Variants in AK5 observed in about 807,000 individuals in gnomAD.
The protein encoded by AK5 is adenylate kinase isoenzyme 5.
In AK5, 27 loss-of-function variants were observed where a neutral mutation model predicts 69.5. The ratio of observed to expected loss-of-function variants is 0.39; its 90% CI spans 0.29 to 0.54. AK5 has a LOEUF of 0.54. Among genes scored for constraint, AK5 ranks in the 20% least tolerant of loss-of-function variants. The pLI is 0.71. For missense variants in AK5, 531 were observed against 700.4 expected (o/e 0.76, Z 2.73); for synonymous variants, 260 against 244.4 (o/e 1.06, Z -0.60).
chr1:77,491,462 GCGCC>G (rs1655996463), intron 10 of AK5, among the ~76,000 whole-genome samples: 1 of 151,898 alleles, frequency 6.6e-6, no homozygotes, highest in Non-Finnish European at 1.5e-5. Context: ...GCCTGCCATG[GCGCC>G]CGGCTAATTT....
At chr1:77,421,409 A>G (rs72681614) in intron 8 of AK5, among the ~76,000 whole-genome samples, 5,867 of 152,300 alleles carry the variant, frequency 0.039, 144 homozygotes, top group East Asian at 0.077. Context: ...CAGGCGCAGG[A>G]AAGATAGGCT....
rs572918393 is a variant in AK5 at position 77,301,806 on chromosome 1, C to T, written c.699+3859C>T. 2.6e-5 allele frequency among the ~76,000 whole-genome samples: 4 copies of T among 152,314 alleles called. No homozygotes were observed. The South Asian group carries it at 8.3e-4, about 32-fold the overall frequency. On this transcript the variant is annotated intron_variant, in intron 5 of 13. Coordinates refer to ENST00000354567, the MANE Select transcript of AK5 (RefSeq NM_174858.3). Reference sequence around the variant, plus strand: ...CAAAAAAGGAAAGTTTGAGAATATACACAGTACTCACTGAACCACAGTGAA... The same window carrying T: ...CAAAAAAGGAAAGTTTGAGAATATATACAGTACTCACTGAACCACAGTGAA...
At chr1:77,369,116 T>A (rs1320002869) in intron 6 of AK5, among the ~76,000 whole-genome samples, 1 of 152,140 alleles carries the variant, frequency 6.6e-6, no homozygotes, top group African/African-American at 2.4e-5. Flanking sequence ...AAAAATAAAA[T>A]TATATTTTAA....
At chr1:77,531,619 G>A (rs1184862910) in intron 12 of AK5, among the ~76,000 whole-genome samples, 2 of 152,176 alleles carry the variant, frequency 1.3e-5, no homozygotes, top group African/African-American at 4.8e-5. Context: ...GATACAGAGT[G>A]CCGATTGGTG....
chr1:77,450,534 T>C (rs1653078763), intron 8 of AK5, among the ~76,000 whole-genome samples: 1 of 110,248 alleles, frequency 9.1e-6, no homozygotes, highest in South Asian at 3.7e-4. Context: ...CATGATCTGG[T>C]TTAATCTTCA....
intron 5 of AK5, among the ~76,000 whole-genome samples, chr1:77,316,925 T>C (rs1353617931): frequency 6.6e-6 from 1 of 152,196 alleles, no homozygotes; most frequent in East Asian, 1.9e-4. Context: ...GAGTCATCTT[T>C]GATTTTGCCA....
At position 77,518,631 on chromosome 1, in the gene AK5, C is replaced by G. The variant is rs764784768; in HGVS notation, c.1215C>G (p.Leu405=). 3.1e-6 allele frequency: 5 copies of G among 1,614,204 alleles called. No individual in the cohort carries two copies. In the Admixed American group the frequency reaches 6.7e-5, roughly 22 times the overall value. Reference sequence around the variant, plus strand: ...TGGAAAAATATGGATTTACACATCTCTCAACTGGCGAGCTCCTGCGTGAGG... The same window carrying G: ...TGGAAAAATATGGATTTACACATCTGTCAACTGGCGAGCTCCTGCGTGAGG... ...KLVEKYGFTH[L]STGELLREEL... The change falls in exon 11 of 14, where the codon CTC becomes CTG. Residue 405 remains leucine, a synonymous_variant. Transcript: ENST00000354567.
rs34425821 is a variant in AK5 at position 77,487,379 on chromosome 1, T to TA, written c.1147+1034dup. Among the ~76,000 whole-genome samples the TA allele has an allele frequency of 3.3e-3, 495 of 152,122 alleles. 1 individual carries two copies. The highest frequency in any genetic ancestry group is 4.9e-3 in the Non-Finnish European group (332 of 67,986). On this transcript the variant is annotated intron_variant, in intron 10 of 13. Transcript: ENST00000354567. ...TAGTTGTGCAGTAGTTAAAAATGCATAAAAAAAGGACAAATATTATCCTTT... is the reference window on the plus strand; with the variant it reads ...TAGTTGTGCAGTAGTTAAAAATGCATAAAAAAAAGGACAAATATTATCCTTT...
At chr1:77,351,181 G>T (rs1437441819) in intron 6 of AK5, among the ~76,000 whole-genome samples, 1 of 152,134 alleles carries the variant, frequency 6.6e-6, no homozygotes, top group African/African-American at 2.4e-5. Context: ...ATTGCTTGAG[G>T]CCAGGAATTG....
intron 6 of AK5, among the ~76,000 whole-genome samples, chr1:77,407,918 T>G (rs1351961644): frequency 6.6e-6 from 1 of 152,230 alleles, no homozygotes; most frequent in African/African-American, 2.4e-5. Context: ...TCACTTAGCA[T>G]AATGGCTTCC....
intron 8 of AK5, among the ~76,000 whole-genome samples, chr1:77,479,873 A>G (rs972341047): frequency 3.9e-5 from 6 of 152,206 alleles, no homozygotes; most frequent in African/African-American, 1.4e-4. Flanking sequence ...GTGGTGGCTA[A>G]TGGGTTGAGT....
At chr1:77,487,175 TC>T (rs1327146215) in intron 10 of AK5, among the ~76,000 whole-genome samples, 1 of 152,206 alleles carries the variant, frequency 6.6e-6, no homozygotes, top group Non-Finnish European at 1.5e-5. Context: ...CCCACTATGC[TC>T]CAGGTTATCT....
intron 5 of AK5, chr1:77,313,877 G>A (rs752107503): frequency 6.4e-5 from 34 of 532,048 alleles, no homozygotes; most frequent in Non-Finnish European, 1.0e-4. Flanking sequence ...TGTCCAGTCC[G>A]TCAAGATTCT....
intron 5 of AK5, among the ~76,000 whole-genome samples, chr1:77,308,023 C>T (rs1404154818): frequency 6.6e-6 from 1 of 152,098 alleles, no homozygotes; most frequent in African/African-American, 2.4e-5. Flanking sequence ...TTTCTTAAGT[C>T]CCAGACACAT....
intron 10 of AK5, among the ~76,000 whole-genome samples, chr1:77,507,331 A>T (rs1361838421): frequency 6.8e-6 from 1 of 146,890 alleles, no homozygotes; most frequent in Non-Finnish European, 1.5e-5. Flanking sequence ...ACCAGGACAC[A>T]GTTGGCCCTT....
intron 5 of AK5, among the ~76,000 whole-genome samples, chr1:77,318,288 G>A (rs1260390799): frequency 6.6e-6 from 1 of 152,040 alleles, no homozygotes; most frequent in African/African-American, 2.4e-5. Context: ...CTACACACTT[G>A]TAAACAACTA....
intron 3 of AK5, among the ~76,000 whole-genome samples, chr1:77,294,161 C>G (rs1015087736): frequency 6.6e-6 from 1 of 152,162 alleles, no homozygotes; most frequent in East Asian, 1.9e-4. Flanking sequence ...TAATCTAATG[C>G]CTATTGCATT....
chr1:77,478,903 C>T (rs1219103887), intron 8 of AK5, among the ~76,000 whole-genome samples: 1 of 150,870 alleles, frequency 6.6e-6, no homozygotes, highest in Non-Finnish European at 1.5e-5. Context: ...AATGATAGTA[C>T]CAGAACCCAG....
At chr1:77,520,180 G>A (rs1657899922) in intron 11 of AK5, among the ~76,000 whole-genome samples, 1 of 138,406 alleles carries the variant, frequency 7.2e-6, no homozygotes, top group Non-Finnish European at 1.5e-5. Context: ...TCCAGCCCAG[G>A]CAACAGCGTG....
Sources: gnomAD v4.1 joint callset for allele counts (sites outside exome capture counted in the v4.1 genomes callset) on GRCh38, gnomAD v4.1.1 for gene constraint, MANE v1.5 for transcripts, NCBI Gene and HGNC (gene_info 2026-07-23, HGNC 2026-07-21) for gene names.